Variants in PCDH11X observed in about 807,000 individuals in gnomAD.
PCDH11X encodes the protein protocadherin 11 X-linked.
A neutral mutation model predicts 53.3 loss-of-function variants in PCDH11X; 18 were observed. The observed-to-expected ratio is 0.34, with a 90% confidence interval of 0.23 to 0.50. The LOEUF is 0.50. Among genes scored for constraint, PCDH11X ranks in the 20% least tolerant of loss-of-function variants. The pLI, the probability that PCDH11X is intolerant of heterozygous loss-of-function variation, is 0.98. For missense variants in PCDH11X, 570 were observed against 1,032.4 expected (o/e 0.55, Z 6.14); for synonymous variants, 279 against 393.3 (o/e 0.71, Z 3.44).
intron 5 of PCDH11X, among the ~76,000 whole-genome samples, chrX:91,871,063 T>C (rs2563361): frequency 0.1 from 11,049 of 108,995 alleles, 1,698 homozygotes; most frequent in African/African-American, 0.36. Flanking sequence ...CTCTAAAAGG[T>C]ACCACAGTAT....
At chrX:92,041,436 C>G (rs1336218166) in intron 6 of PCDH11X, among the ~76,000 whole-genome samples, 1 of 111,162 alleles carries the variant, frequency 9.0e-6, no homozygotes, top group African/African-American at 3.3e-5. Context: ...CAAATCAGTA[C>G]AACACAAACT....
At position 91,810,557 on chromosome X, in the gene PCDH11X, G is replaced by C. The variant is rs1462870725; in HGVS notation, c.-125G>C. ...CAGCTGCTCTCAACTTTGTAATCTT[G>C]TGAAGAAGCTGACAAGCTTGGGTGA... On this transcript the variant is annotated 5_prime_UTR_variant, in exon 3 of 11. Transcript: ENST00000682573. 1.8e-5 allele frequency: 2 copies of C among 112,070 alleles called. No individual in the cohort carries two copies. The highest frequency in any genetic ancestry group is 3.8e-5 in the Non-Finnish European group (2 of 53,214). The allele number at this position is 112,070 out of a possible 1,213,427, so 9.2% of individuals were successfully genotyped here.
chrX:92,334,695 C>T (rs776807354), intron 8 of PCDH11X, among the ~76,000 whole-genome samples: 15 of 111,258 alleles, frequency 1.3e-4, no homozygotes, highest in East Asian at 8.5e-4. Context: ...CTGCATTGCC[C>T]GCCATTTCAT....
rs1442784368 is a variant in PCDH11X, at chrX:91,824,169, C to T, written c.-44-11292C>T. 7.9e-3 allele frequency among the ~76,000 whole-genome samples: 871 copies of T among 110,772 alleles called. 6 individuals carry two copies. Among genetic ancestry groups the T allele is most frequent in the African/African-American group, 0.027 (807 of 30,417 alleles). The stretch of plus-strand genomic sequence containing the variant: ...TTATGTGTCTTGGAGTTGCTCTTCT[C>T]GAGGAGTATCTTTGTGGCGTTCTCT... On this transcript the variant is annotated intron_variant, in intron 4 of 10. Coordinates refer to ENST00000682573, the MANE Select transcript of PCDH11X (RefSeq NM_032968.5).
chrX:92,225,732 G>A (rs538354090), intron 7 of PCDH11X, among the ~76,000 whole-genome samples: 4 of 111,577 alleles, frequency 3.6e-5, no homozygotes, highest in Middle Eastern at 9.2e-3. Flanking sequence ...AACAGTAATA[G>A]TTATTATTTT....
intron 6 of PCDH11X, among the ~76,000 whole-genome samples, chrX:91,936,574 GTATAA>G (rs966801881): frequency 6.6e-5 from 7 of 106,183 alleles, no homozygotes; most frequent in Non-Finnish European, 1.4e-4. Context: ...ATATAATATA[GTATAA>G]TATAGTTGAG....
intron 7 of PCDH11X, among the ~76,000 whole-genome samples, chrX:92,216,686 C>T (rs2066723083): frequency 2.9e-5 from 2 of 69,950 alleles, no homozygotes; most frequent in East Asian, 9.4e-4. Context: ...CATTCAGATT[C>T]AGGAAATATA....
chrX:92,445,192 C>CTTTTTTTTTT (rs778466088), intron 9 of PCDH11X, among the ~76,000 whole-genome samples: 21 of 16,517 alleles, frequency 1.3e-3, no homozygotes, highest in East Asian at 3.0e-3. Context: ...TGGTCCAGGG[C>CTTTTTTTTTT]TTTTTTTTTT....
At chrX:92,374,818 T>C (rs935234604) in intron 8 of PCDH11X, among the ~76,000 whole-genome samples, 8 of 110,433 alleles carry the variant, frequency 7.2e-5, no homozygotes, top group African/African-American at 9.9e-5. Context: ...CATATCACCA[T>C]GTGTGAAATG....
At position 92,058,749 on chromosome X, in the gene PCDH11X, T is replaced by A. The variant is rs772025459; in HGVS notation, c.3034-142626T>A. On this transcript the variant is annotated intron_variant, in intron 6 of 10. Coordinates refer to ENST00000682573, the MANE Select transcript of PCDH11X (RefSeq NM_032968.5). ...CATGTGTGTTTATGTTGATAAATGC[T>A]GATCAGAATTCAGATTTACAGTAAA... Among the ~76,000 whole-genome samples the A allele has an allele frequency of 1.7e-4, 18 of 107,408 alleles. No homozygotes were observed. In the East Asian group the frequency reaches 4.9e-3, roughly 30 times the overall value. The allele number at this position is 107,408 out of a possible 115,157, so 93.3% of individuals were successfully genotyped here. A position where few individuals can be genotyped will look rare whatever the true frequency, so the allele number is the denominator to read the frequency against.
Position 92,146,986 on chromosome X carries a change from G to A in PCDH11X, c.3034-54389G>A, listed in dbSNP as rs2065277474. 2.7e-5 allele frequency among the ~76,000 whole-genome samples: 3 copies of A among 110,685 alleles called. No individual in the cohort carries two copies. The South Asian group carries it at 1.2e-3, about 43-fold the overall frequency. On this transcript the variant is annotated intron_variant, in intron 6 of 10. Coordinates refer to ENST00000682573, the MANE Select transcript of PCDH11X (RefSeq NM_032968.5). The stretch of plus-strand genomic sequence containing the variant: ...TGCACTCAAGCCTGGGCAACAGACT[G>A]AGACTCCATCTCAAAATAAAGAAAT...
At chrX:92,075,536 T>C (rs1302255180) in intron 6 of PCDH11X, among the ~76,000 whole-genome samples, 1 of 111,950 alleles carries the variant, frequency 8.9e-6, no homozygotes, top group Non-Finnish European at 1.9e-5. Context: ...TGTGTTGAAT[T>C]GAAACAAAGA....
chrX:91,867,279 A>G (rs1469459157), intron 5 of PCDH11X, among the ~76,000 whole-genome samples: 2 of 111,630 alleles, frequency 1.8e-5, no homozygotes, highest in Admixed American at 1.9e-4. Context: ...CCCAAACATA[A>G]CTTAAATCAC....
At chrX:92,522,291 G>A (rs1230945364) in intron 10 of PCDH11X, among the ~76,000 whole-genome samples, 1 of 111,522 alleles carries the variant, frequency 9.0e-6, no homozygotes, top group Admixed American at 9.6e-5. Context: ...CAATATTGTT[G>A]TGTGTCAGGA....
chrX:92,374,791 G>T (rs1303683229), intron 8 of PCDH11X, among the ~76,000 whole-genome samples: 2 of 110,163 alleles, frequency 1.8e-5, no homozygotes, highest in Admixed American at 1.9e-4. Context: ...ATTGAGCCAG[G>T]TTTTAAAGTG....
intron 6 of PCDH11X, among the ~76,000 whole-genome samples, chrX:92,069,177 A>T (rs945879764): frequency 9.1e-6 from 1 of 110,277 alleles, no homozygotes; most frequent in Non-Finnish European, 1.9e-5. Flanking sequence ...ATATATGTTT[A>T]CAAATGTTAA....
intron 6 of PCDH11X, among the ~76,000 whole-genome samples, chrX:92,115,899 A>C (rs7883293): frequency 0.095 from 10,206 of 107,208 alleles, 623 homozygotes; most frequent in East Asian, 0.42. Context: ...CCTCACAGAC[A>C]CACCCAGAAA....
chrX:92,098,334 A>G (rs1011228337), intron 6 of PCDH11X, among the ~76,000 whole-genome samples: 8 of 111,720 alleles, frequency 7.2e-5, no homozygotes, highest in African/African-American at 2.3e-4. Context: ...CACTAAATGT[A>G]TTTCTACAGC....
chrX:92,451,803 C>T (rs1206728354), intron 9 of PCDH11X, among the ~76,000 whole-genome samples: 1 of 111,687 alleles, frequency 9.0e-6, no homozygotes, highest in East Asian at 2.8e-4. Flanking sequence ...AGTAGACAGA[C>T]AGAAATGAAA....
Sources: gnomAD v4.1 joint callset for allele counts (sites outside exome capture counted in the v4.1 genomes callset) on GRCh38, gnomAD v4.1.1 for gene constraint, MANE v1.5 for transcripts, NCBI Gene and HGNC (gene_info 2026-07-23, HGNC 2026-07-21) for gene names.